BBS9: variants seen among roughly 807,000 people sequenced by gnomAD.
BBS9 encodes the protein Bardet-Biedl syndrome 9.
Under a neutral mutation model 117.7 loss-of-function variants are expected in BBS9, and 89 were observed. The ratio of observed to expected loss-of-function variants is 0.76; its 90% CI spans 0.64 to 0.90. The LOEUF is 0.90. Among genes scored for constraint, BBS9 ranks in the 40% least tolerant of loss-of-function variants. The pLI is 0.00. For missense variants in BBS9, 982 were observed against 1,042.2 expected (o/e 0.94, Z 0.80); for synonymous variants, 379 against 370.9 (o/e 1.02, Z -0.25).
At chr7:33,214,625 A>C (rs1173549253) in intron 5 of BBS9, among the ~76,000 whole-genome samples, 1 of 152,206 alleles carries the variant, frequency 6.6e-6, no homozygotes, top group Admixed American at 6.5e-5. Context: ...TGCCCTCCTA[A>C]GACTTAATTT....
intron 1 of BBS9, among the ~76,000 whole-genome samples, chr7:33,142,545 CA>C (rs1791645167): frequency 6.6e-6 from 1 of 152,146 alleles, no homozygotes; most frequent in African/African-American, 2.4e-5. Flanking sequence ...AACCAATCTC[CA>C]GAACTTCTCA....
chr7:33,341,256 T>A (rs548494668), intron 11 of BBS9, among the ~76,000 whole-genome samples: 6 of 152,090 alleles, frequency 3.9e-5, no homozygotes, highest in South Asian at 2.1e-4. Flanking sequence ...CTTAAAAAAA[T>A]TTTTTTTCAA....
At chr7:33,381,875 A>G (rs1275353853) in intron 17 of BBS9, among the ~76,000 whole-genome samples, 1 of 152,230 alleles carries the variant, frequency 6.6e-6, no homozygotes, top group Admixed American at 6.5e-5. Context: ...ACTAGGGATG[A>G]GAGGAGATAT....
downstream of BBS9, among the ~76,000 whole-genome samples, chr7:33,607,268 T>C (rs1864629822): frequency 1.3e-5 from 2 of 152,140 alleles, no homozygotes; most frequent in African/African-American, 2.4e-5. Flanking sequence ...GGTCTAACCT[T>C]CCTAATTTAG....
At chr7:33,373,610 C>T (rs371242759) in intron 17 of BBS9, among the ~76,000 whole-genome samples, 20 of 152,234 alleles carry the variant, frequency 1.3e-4, no homozygotes, top group African/African-American at 3.6e-4. Context: ...AGAACACTTC[C>T]GGTCCTGAGC....
Position 33,349,155 on chromosome 7 carries a change from A to G in BBS9, c.1417A>G (p.Thr473Ala). 1 of 1,612,546 alleles carries G rather than the reference A, an allele frequency of 6.2e-7. No individual in the cohort carries two copies. The highest frequency in any genetic ancestry group is 8.5e-7 in the Non-Finnish European group (1 of 1,178,770). Residue 473 changes from threonine to alanine, a missense_variant, in exon 13 of 23, where the codon ACC (threonine) becomes GCC (alanine). Physicochemically the swap from Thr to Ala is moderately conservative, Grantham distance 58. Coordinates refer to ENST00000242067, the MANE Select transcript of BBS9 (RefSeq NM_198428.3). ...ATTAGAATTGACTTGTGATCAGTTC[A>G]CCTTTGAATTTATGAGTAAGTTTTT... Reference protein sequence around the residue: ...PPLELTCDQFTFEFMTPDLTR... With the variant: ...PPLELTCDQFAFEFMTPDLTR...
intron 12 of BBS9, among the ~76,000 whole-genome samples, chr7:33,345,528 T>C (rs1817433576): frequency 6.6e-6 from 1 of 152,144 alleles, no homozygotes; most frequent in Non-Finnish European, 1.5e-5. Context: ...TGTGGAGATC[T>C]TTGGTCGAAC....
At chr7:33,600,701 C>G (rs890207949) in intron 21 of BBS9, among the ~76,000 whole-genome samples, 2 of 152,144 alleles carry the variant, frequency 1.3e-5, no homozygotes, top group Admixed American at 1.3e-4. Flanking sequence ...CAGTAGCTAC[C>G]CACAGCCTCA....
At chr7:33,169,164 T>C (rs1796140458) in intron 4 of BBS9, among the ~76,000 whole-genome samples, 1 of 151,332 alleles carries the variant, frequency 6.6e-6, no homozygotes, top group African/African-American at 2.4e-5. Context: ...GGCTGCATAG[T>C]ATTCCATGGT....
At chr7:33,542,876 G>A (rs1852619224) in intron 21 of BBS9, among the ~76,000 whole-genome samples, 1 of 151,370 alleles carries the variant, frequency 6.6e-6, no homozygotes, top group South Asian at 2.1e-4. Flanking sequence ...GGGCATTTGG[G>A]TTGGTTCCAT....
chr7:33,598,711 T>A (rs943057312), intron 21 of BBS9, among the ~76,000 whole-genome samples: 1 of 152,182 alleles, frequency 6.6e-6, no homozygotes, highest in African/African-American at 2.4e-5. Flanking sequence ...GAAAGAACAT[T>A]TGTCACAGTT....
chr7:33,257,381 C>G lies in BBS9; in HGVS notation c.588C>G (p.Val196=). 1 of 1,613,876 alleles carries G rather than the reference C, an allele frequency of 6.2e-7. No homozygotes were observed. The highest frequency in any genetic ancestry group is 8.5e-7 in the Non-Finnish European group (1 of 1,179,878). The change falls in exon 6 of 23, where the codon GTC becomes GTG. Residue 196 remains valine (V), a synonymous_variant. Transcript: ENST00000242067. The stretch of plus-strand genomic sequence containing the variant: ...CCCGTACAGATTCCTTCCTTACTGT[C>G]TCTTCCTGCCAACAAGTGGAAAGTT... ...YSSRTDSFLT[V]SSCQQVESYK...
chr7:33,365,824 G>A (rs921599154), intron 16 of BBS9, among the ~76,000 whole-genome samples: 4 of 152,244 alleles, frequency 2.6e-5, no homozygotes, highest in Non-Finnish European at 5.9e-5. Flanking sequence ...TGGGAGCATG[G>A]ATGTGTGCAG....
chr7:33,597,872 C>CAAAAAA (rs61054119), intron 21 of BBS9, among the ~76,000 whole-genome samples: 1 of 119,394 alleles, frequency 8.4e-6, no homozygotes, highest in Non-Finnish European at 1.8e-5. Context: ...GCATGTATAC[C>CAAAAAA]AAAAAAAAAA....
intron 19 of BBS9, among the ~76,000 whole-genome samples, chr7:33,487,645 G>C (rs1384679574): frequency 6.6e-6 from 1 of 152,194 alleles, no homozygotes; most frequent in Non-Finnish European, 1.5e-5. Context: ...GCTGCTGGAG[G>C]AAGAGATCTG....
chr7:33,258,139 C>G (rs1308308804), intron 6 of BBS9, among the ~76,000 whole-genome samples: 1 of 152,122 alleles, frequency 6.6e-6, no homozygotes, highest in Non-Finnish European at 1.5e-5. Flanking sequence ...AGTAGAAATT[C>G]ATGCTGGGAA....
At chr7:33,307,777 T>G (rs1808338153) in intron 9 of BBS9, among the ~76,000 whole-genome samples, 1 of 151,896 alleles carries the variant, frequency 6.6e-6, no homozygotes, top group Non-Finnish European at 1.5e-5. Flanking sequence ...GCCATCTTTT[T>G]TTTTTTTTTA....
intron 9 of BBS9, among the ~76,000 whole-genome samples, chr7:33,322,538 T>C (rs2128585752): frequency 6.6e-6 from 1 of 152,098 alleles, no homozygotes; most frequent in Non-Finnish European, 1.5e-5. Flanking sequence ...TAGTTGCTCA[T>C]AGTAGCCACT....
At chr7:33,429,305 A>G (rs1223974213) in intron 19 of BBS9, among the ~76,000 whole-genome samples, 2 of 150,306 alleles carry the variant, frequency 1.3e-5, no homozygotes, top group African/African-American at 4.9e-5. Flanking sequence ...AAATTCAGCC[A>G]GAAGTGTTAG....
Sources: allele counts gnomAD v4.1 joint callset (sites outside exome capture counted in the v4.1 genomes callset), GRCh38; gene constraint gnomAD v4.1.1; transcripts MANE v1.5; gene names NCBI Gene and HGNC (gene_info 2026-07-23, HGNC 2026-07-21).